Variants in SKOR2 observed in about 807,000 individuals in gnomAD.
The protein encoded by SKOR2 is SKI family transcriptional corepressor 2.
A neutral mutation model predicts 69.1 loss-of-function variants in SKOR2; 47 were observed. The observed-to-expected ratio is 0.68, with a 90% CI of 0.54 to 0.87. The LOEUF (loss-of-function observed/expected upper bound fraction) is 0.87. Among genes scored for constraint, SKOR2 ranks in the 40% least tolerant of loss-of-function variants. The pLI, the probability that SKOR2 is intolerant of heterozygous loss-of-function variation, is 0.00. For synonymous variants in SKOR2, 717 were observed against 672.6 expected (o/e 1.07, Z -1.02); for missense variants, 1,404 against 1,472.2 (o/e 0.95, Z 0.76).
chr18:47,249,191 G>C lies in SKOR2; in HGVS notation c.-8C>G. On this transcript the variant is annotated 5_prime_UTR_variant, in exon 2 of 9. Transcript: ENST00000425639. ...CAGCGGACTGGAAGCCATCTCCGCC[G>C]CAGAACCCCGGGCCGAGCCCTACAG... 2.0e-6 allele frequency: 3 copies of C among 1,532,826 alleles called. No individual in the cohort carries two copies. Among genetic ancestry groups the C allele is most frequent in the Non-Finnish European group, 1.7e-6 (2 of 1,145,146 alleles). The allele number at this position is 1,532,826 out of a possible 1,614,324, so 95.0% of individuals were successfully genotyped here.
intron 7 of SKOR2, among the ~76,000 whole-genome samples, chr18:47,215,861 G>C (rs924576079): frequency 6.6e-6 from 1 of 152,184 alleles, no homozygotes; most frequent in East Asian, 1.9e-4. Context: ...GCATCACAAC[G>C]TTCTCCAAGA....
In SKOR2 at chr18:47,248,311, TGGC is replaced by T. The variant is rs984523922; in HGVS notation, c.870_872del (p.Pro294del). The T allele has an allele frequency of 4.0e-4, 478 of 1,200,064 alleles. 1 individual carries two copies. The highest frequency in any genetic ancestry group is 1.8e-3 in the East Asian group (52 of 28,278). 74.3% of individuals were successfully genotyped at this position (1,200,064 alleles called of 1,614,324 possible). ...CAGCCAGCTCTGCCAAGGGCGGCGG[TGGC>T]GGCGGCGGCGGCGGGGGCGCACCCA... On this transcript the variant is annotated inframe_deletion, in exon 2 of 9. Coordinates refer to ENST00000425639, the MANE Select transcript of SKOR2 (RefSeq NM_001278063.4). The surrounding 1 kb of genome is among the most constrained non-coding windows in gnomAD (Gnocchi z 6.4).
At chr18:47,208,829 G>A (rs1175140990) in intron 8 of SKOR2, among the ~76,000 whole-genome samples, 1 of 152,098 alleles carries the variant, frequency 6.6e-6, no homozygotes, top group African/African-American at 2.4e-5. Flanking sequence ...ACGAAGAGCG[G>A]TACAATGTCT....
chr18:47,231,231 G>T, intron 4 of SKOR2: 1 of 1,468,144 alleles, frequency 6.8e-7, no homozygotes, highest in South Asian at 1.2e-5. Flanking sequence ...GGCAGCTCCC[G>T]AAAAGCAGAT....
rs2064278201 is a variant in SKOR2 at position 47,246,961 on chromosome 18, CTCT to C, written c.2220_2222del (p.Glu741del). The C allele has an allele frequency of 6.7e-7, 1 of 1,498,344 alleles. No homozygotes were observed. Among genetic ancestry groups the C allele is most frequent in the Non-Finnish European group, 8.8e-7 (1 of 1,130,244 alleles). The allele number at this position is 1,498,344 out of a possible 1,614,324, so 92.8% of individuals were successfully genotyped here. On this transcript the variant is annotated inframe_deletion, in exon 2 of 9. Transcript: ENST00000425639. Reference sequence around the variant, plus strand: ...TGTGGCCCTCCACGTCCACCTCCTGCTCTTCTTCCTCGTCGTCCTCGTCCTCGG... The same window carrying C: ...TGTGGCCCTCCACGTCCACCTCCTGCTCTTCCTCGTCGTCCTCGTCCTCGG...
intron 6 of SKOR2, among the ~76,000 whole-genome samples, chr18:47,229,529 C>T (rs978623346): frequency 6.6e-6 from 1 of 152,012 alleles, no homozygotes; most frequent in Non-Finnish European, 1.5e-5. Flanking sequence ...TGGTGTGTGC[C>T]TGTAGTACCA....
chr18:47,237,188 A>G (rs2064227720), intron 4 of SKOR2, among the ~76,000 whole-genome samples: 1 of 152,190 alleles, frequency 6.6e-6, no homozygotes, highest in Non-Finnish European at 1.5e-5. Context: ...ATTTTGATCC[A>G]TTTGTATATT....
In SKOR2 at chr18:47,249,203, G is replaced by C; in HGVS notation, c.-20C>G. ...AGCCATCTCCGCCGCAGAACCCCGG[G>C]CCGAGCCCTACAGGTCTGCCTTGGA... On this transcript the variant is annotated 5_prime_UTR_variant, in exon 2 of 9. Transcript: ENST00000425639. The C allele has an allele frequency of 6.5e-7, 1 of 1,530,206 alleles. No homozygotes were observed. Among genetic ancestry groups the C allele is most frequent in the Non-Finnish European group, 8.7e-7 (1 of 1,143,896 alleles). 94.8% of individuals were successfully genotyped at this position (1,530,206 alleles called of 1,614,324 possible). A position where few individuals can be genotyped will look rare whatever the true frequency, so the allele number is the denominator to read the frequency against.
At chr18:47,210,628 C>T (rs935100913) in intron 8 of SKOR2, among the ~76,000 whole-genome samples, 1 of 152,128 alleles carries the variant, frequency 6.6e-6, no homozygotes, top group Non-Finnish European at 1.5e-5. Flanking sequence ...TCACACTGCT[C>T]GTGCAAACCT....
In SKOR2 at chr18:47,247,967, G is replaced by T. The variant is rs1289831384; in HGVS notation, c.1217C>A (p.Pro406Gln). The T allele has an allele frequency of 5.8e-6, 8 of 1,376,318 alleles. No homozygotes were observed. The South Asian group carries it at 1.2e-4, about 20-fold the overall frequency. 85.3% of individuals were successfully genotyped at this position (1,376,318 alleles called of 1,614,324 possible). A position where few individuals can be genotyped will look rare whatever the true frequency, so the allele number is the denominator to read the frequency against. Residue 406 changes from proline (P) to glutamine (Q), a missense_variant, in exon 2 of 9, where the codon CCG becomes CAG. Pro to Gln is a moderately conservative substitution (Grantham distance 76). Coordinates refer to ENST00000425639, the MANE Select transcript of SKOR2 (RefSeq NM_001278063.4). This position sits in a 1 kb window ranked among gnomAD's most constrained non-coding sequence, Gnocchi z 6.6. ...QKFPGCGGLF[P>Q]HPYTFPAAAA... is the part of the protein sequence containing the mutation. ...CGCGGCAGGGAAGGTGTAGGGGTGC[G>T]GGAAGAGCCCGCCGCAGCCCGGGAA...
chr18:47,208,804 T>C (rs1344470874), intron 8 of SKOR2, among the ~76,000 whole-genome samples: 3 of 152,178 alleles, frequency 2.0e-5, no homozygotes, highest in African/African-American at 7.2e-5. Flanking sequence ...CTCATGAGCT[T>C]ATAATGAGAC....
intron 4 of SKOR2, among the ~76,000 whole-genome samples, chr18:47,236,786 T>C (rs2064225774): frequency 6.6e-6 from 1 of 152,190 alleles, no homozygotes; most frequent in Non-Finnish European, 1.5e-5. Context: ...TTATTTTTTT[T>C]TTATAGCAGC....
Position 47,248,568 on chromosome 18 carries a change from A to G in SKOR2, c.616T>C (p.Phe206Leu). ...AKYTQPDAAN[F>L]NSWRRHLKLT... Reference sequence around the variant, plus strand: ...TTGAGATGACGGCGCCACGAGTTGAAGTTGGCTGCGTCTGGCTGAGTGTAC... The same window carrying G: ...TTGAGATGACGGCGCCACGAGTTGAGGTTGGCTGCGTCTGGCTGAGTGTAC... The change falls in exon 2 of 9, where the codon TTC becomes CTC. Residue 206 changes from phenylalanine to leucine, a missense_variant. By Grantham distance (22) the Phe-to-Leu change is conservative (BLOSUM62 0). Coordinates refer to ENST00000425639, the MANE Select transcript of SKOR2 (RefSeq NM_001278063.4). The surrounding 1 kb of genome is among the most constrained non-coding windows in gnomAD (Gnocchi z 6.4). 1 of 1,538,180 alleles carries G rather than the reference A, an allele frequency of 6.5e-7. No homozygotes were observed. The highest frequency in any genetic ancestry group is 8.7e-7 in the Non-Finnish European group (1 of 1,147,284).
chr18:47,247,180 G>C lies in SKOR2; in HGVS notation c.2004C>G (p.His668Gln). The C allele has an allele frequency of 1.6e-6, 2 of 1,212,462 alleles. No homozygotes were observed. Among genetic ancestry groups the C allele is most frequent in the Non-Finnish European group, 2.1e-6 (2 of 951,476 alleles). 75.1% of individuals were successfully genotyped at this position (1,212,462 alleles called of 1,614,324 possible). A position where few individuals can be genotyped will look rare whatever the true frequency, so the allele number is the denominator to read the frequency against. ...GAAGCGGCGACGGCGGCTGCGGGGG[G>C]TGGTGGTGGTGGTGGTGGTGGTGAG... is the stretch of plus-strand genomic sequence containing the variant. The part of the protein sequence containing the change: ...HHPHHHHHHH[H>Q]PPQPPSPLLL... The change falls in exon 2 of 9, where the codon CAC (histidine) becomes CAG (glutamine). Residue 668 changes from histidine (H) to glutamine (Q), a missense_variant. His to Gln is a conservative substitution (Grantham distance 24). Around this residue, in one of 3 missense-constraint regions of SKOR2, gnomAD observed 1,266 missense variants for 1,309.9 expected, o/e 0.97. Coordinates refer to ENST00000425639, the MANE Select transcript of SKOR2 (RefSeq NM_001278063.4). The surrounding 1 kb of genome is among the most constrained non-coding windows in gnomAD (Gnocchi z 6.6).
Position 47,246,659 on chromosome 18 carries a change from G to C in SKOR2, c.2525C>G (p.Ala842Gly), listed in dbSNP as rs1395601978. The part of the protein sequence containing the change: ...DLPPPPPPPL[A>G]PQKASGGGSS... ...GCCGCCGCCACTCGCCTTCTGGGGG[G>C]CCAGGGGCGGCGGCGGGGGCGGGGG... The change falls in exon 2 of 9, where the codon GCC (alanine) becomes GGC (glycine). Residue 842 changes from alanine to glycine, a missense_variant. Ala to Gly is a moderately conservative substitution (Grantham distance 60). Coordinates refer to ENST00000425639, the MANE Select transcript of SKOR2 (RefSeq NM_001278063.4). 1 of 1,502,938 alleles carries C rather than the reference G, an allele frequency of 6.7e-7. No homozygotes were observed. The highest frequency in any genetic ancestry group is 8.8e-7 in the Non-Finnish European group (1 of 1,134,378). 93.1% of individuals were successfully genotyped at this position (1,502,938 alleles called of 1,614,324 possible). A position where few individuals can be genotyped will look rare whatever the true frequency, so the allele number is the denominator to read the frequency against.
In SKOR2 at chr18:47,247,781, C is replaced by T; in HGVS notation, c.1403G>A (p.Cys468Tyr). Residue 468 changes from cysteine (C) to tyrosine (Y), a missense_variant, in exon 2 of 9, where the codon TGC becomes TAC. Coordinates refer to ENST00000425639, the MANE Select transcript of SKOR2 (RefSeq NM_001278063.4). This position sits in a 1 kb window ranked among gnomAD's most constrained non-coding sequence, Gnocchi z 6.6. ...GRKDAFYPPF[C>Y]MFWPPRTPGG... ...AGGGGTCCGCGGCGGCCAGAACATG[C>T]AGAAGGGCGGATAGAAGGCGTCCTT... 7.2e-7 allele frequency: 1 copy of T among 1,397,224 alleles called. No homozygotes were observed. The highest frequency in any genetic ancestry group is 9.2e-7 in the Non-Finnish European group (1 of 1,083,730). 86.6% of individuals were successfully genotyped at this position (1,397,224 alleles called of 1,614,324 possible). A position where few individuals can be genotyped will look rare whatever the true frequency, so the allele number is the denominator to read the frequency against.
In SKOR2 at chr18:47,239,974, C is replaced by CT. The variant is rs201927203; in HGVS notation, c.2752+4933dup. On this transcript the variant is annotated intron_variant, in intron 4 of 8. Transcript: ENST00000425639. ...TTCAAAGAATTTTTCTTATTTTTTG[C>CT]TTTTTTTTAAAAAAATCATAAGCAT... is the stretch of plus-strand genomic sequence containing the variant. 9.5e-3 allele frequency among the ~76,000 whole-genome samples: 1,229 copies of CT among 129,136 alleles called. 12 individuals are homozygous for CT. Among genetic ancestry groups the CT allele is most frequent in the African/African-American group, 0.03 (1,159 of 38,982 alleles). 84.7% of individuals were successfully genotyped at this position (129,136 alleles called of 152,430 possible).
chr18:47,239,982 T>A (rs11664428), intron 4 of SKOR2, among the ~76,000 whole-genome samples: 178 of 151,930 alleles, frequency 1.2e-3, no homozygotes, highest in South Asian at 1.7e-3. Flanking sequence ...TGCTTTTTTT[T>A]AAAAAAATCA....
chr18:47,245,009 T>C (rs2064265171), intron 3 of SKOR2, 27 bp from the exon 4 acceptor site: 1 of 1,526,882 alleles, frequency 6.5e-7, no homozygotes. Flanking sequence ...ACACAAAATC[T>C]GCAAGTGATC....
Sources: allele counts gnomAD v4.1 joint callset (sites outside exome capture counted in the v4.1 genomes callset), GRCh38; gene constraint gnomAD v4.1.1; regional missense constraint gnomAD v4.1.1; non-coding constraint Gnocchi (gnomAD v3.1); transcripts MANE v1.5; gene names NCBI Gene and HGNC (gene_info 2026-07-23, HGNC 2026-07-21).